MYO1D: variants seen among roughly 807,000 people sequenced by gnomAD.
MYO1D encodes the protein unconventional myosin-Id.
A neutral mutation model predicts 122.0 loss-of-function variants in MYO1D; 83 were observed. The ratio of observed to expected loss-of-function variants is 0.68; its 90% confidence interval spans 0.57 to 0.82. The LOEUF (loss-of-function observed/expected upper bound fraction) is 0.82, where lower values mean the gene tolerates loss of function less well. Ranked by LOEUF, MYO1D falls within the 40% of genes least tolerant of loss-of-function variation. The pLI is 0.00. For synonymous variants in MYO1D, 464 were observed against 446.9 expected (o/e 1.04, Z -0.48); for missense variants, 1,157 against 1,269.5 (o/e 0.91, Z 1.35).
intron 1 of MYO1D, among the ~76,000 whole-genome samples, chr17:32,801,239 AT>A (rs777754684): frequency 6.6e-6 from 1 of 152,250 alleles, no homozygotes; most frequent in Non-Finnish European, 1.5e-5. Context: ...ATAATGTGTG[AT>A]TGAATAACTA....
rs189073992 is a variant in MYO1D at position 32,810,277 on chromosome 17, G to A, written c.96-29493C>T. ...AGTAGGTGGCAAGAGAAACAGAAGC[G>A]CAGATACAAAGAGTTCTAAGGGTGA... On this transcript the variant is annotated intron_variant, in intron 1 of 21. Transcript: ENST00000318217. Among the ~76,000 whole-genome samples the A allele has an allele frequency of 2.8e-3, 427 of 152,218 alleles. 4 individuals carry two copies. The highest frequency in any genetic ancestry group is 8.7e-3 in the African/African-American group (362 of 41,536).
At chr17:32,683,719 C>A (rs1447898300) in intron 16 of MYO1D, among the ~76,000 whole-genome samples, 3 of 152,054 alleles carry the variant, frequency 2.0e-5, no homozygotes, top group Non-Finnish European at 2.9e-5. Flanking sequence ...CTGTGCCCTG[C>A]CCCCAGAGGT....
intron 1 of MYO1D, among the ~76,000 whole-genome samples, chr17:32,840,210 C>A (rs8075627): frequency 0.053 from 8,040 of 152,244 alleles, 655 homozygotes; most frequent in African/African-American, 0.18. Context: ...GTGTTACTGG[C>A]GCACACTGGA....
At chr17:32,741,600 T>A (rs186177348) in intron 13 of MYO1D, among the ~76,000 whole-genome samples, 96 of 152,312 alleles carry the variant, frequency 6.3e-4, no homozygotes, top group African/African-American at 2.3e-3. Context: ...AACTAAGTAT[T>A]CTGGATTCCA....
At position 32,654,500 on chromosome 17, in the gene MYO1D, A is replaced by C; in HGVS notation, c.2467T>G (p.Trp823Gly). 3 of 1,613,594 alleles carry C rather than the reference A, an allele frequency of 1.9e-6. No individual in the cohort carries two copies. The highest frequency in any genetic ancestry group is 2.5e-6 in the Non-Finnish European group (3 of 1,179,780). The change falls in exon 18 of 22, where the codon TGG becomes GGG. Residue 823 changes from tryptophan (W) to glycine (G), a missense_variant. Transcript: ENST00000318217. The stretch of plus-strand genomic sequence containing the variant: ...ACTGAAGCAAGATAGTTGCCCTCCC[A>C]GGCCCTCTGGAGCCCGAGGTCAGCC... ...QRADLGLQRA[W>G]EGNYLASKPD...
intron 21 of MYO1D, among the ~76,000 whole-genome samples, chr17:32,542,610 C>T (rs188146200): frequency 1.3e-3 from 157 of 121,680 alleles, no homozygotes; most frequent in Middle Eastern, 8.6e-3. Flanking sequence ...TAGGAGGTAA[C>T]GCTAAAAAAA....
chr17:32,581,979 G>A (rs561931699), intron 21 of MYO1D, among the ~76,000 whole-genome samples: 2 of 152,160 alleles, frequency 1.3e-5, no homozygotes, highest in Admixed American at 6.5e-5. Flanking sequence ...TGGCCAGGCT[G>A]GTCTTGAACT....
intron 1 of MYO1D, among the ~76,000 whole-genome samples, chr17:32,855,408 T>C (rs1401961611): frequency 6.6e-6 from 1 of 152,218 alleles, no homozygotes; most frequent in African/African-American, 2.4e-5. Context: ...TTGAATTCTA[T>C]ATAAATGAAA....
At chr17:32,754,672 GC>G (rs1315096433) in intron 11 of MYO1D, among the ~76,000 whole-genome samples, 2 of 152,138 alleles carry the variant, frequency 1.3e-5, no homozygotes, top group African/African-American at 4.8e-5. Context: ...AGAAATGTTT[GC>G]CCCCTTTTTC....
chr17:32,505,554 G>GAGA (rs1305236294), intron 21 of MYO1D: 2 of 144,234 alleles, frequency 1.4e-5, no homozygotes, highest in Admixed American at 1.3e-4. Context: ...GGCCCTGCAT[G>GAGA]TGGCAGGGCC....
intron 12 of MYO1D, 140 bp from the exon 13 acceptor site, chr17:32,745,425 G>A: frequency 1.7e-6 from 1 of 589,958 alleles, no homozygotes. Context: ...ATCTTGTTCT[G>A]TATTAAAGGA....
intron 21 of MYO1D, among the ~76,000 whole-genome samples, chr17:32,503,178 G>T (rs1175349003): frequency 6.6e-6 from 1 of 152,208 alleles, no homozygotes; most frequent in East Asian, 1.9e-4. Flanking sequence ...CGCAGGCCCT[G>T]CACAAAGTGG....
At chr17:32,859,955 C>T (rs1187494554) in intron 1 of MYO1D, among the ~76,000 whole-genome samples, 2 of 152,170 alleles carry the variant, frequency 1.3e-5, no homozygotes, top group Non-Finnish European at 2.9e-5. Context: ...CCTGACTATT[C>T]CATCATGATA....
At chr17:32,618,779 C>T (rs750873167) in intron 20 of MYO1D, among the ~76,000 whole-genome samples, 3 of 151,854 alleles carry the variant, frequency 2.0e-5, no homozygotes, top group African/African-American at 4.8e-5. Flanking sequence ...GGATTACAGG[C>T]GACTGCCACC....
chr17:32,529,832 C>T (rs932705503), intron 21 of MYO1D: 2 of 152,210 alleles, frequency 1.3e-5, no homozygotes, highest in Admixed American at 6.5e-5. Context: ...CGCTCCTCAC[C>T]GTGGGGGAGG....
At chr17:32,822,834 G>A (rs2151059481) in intron 1 of MYO1D, among the ~76,000 whole-genome samples, 1 of 151,580 alleles carries the variant, frequency 6.6e-6, no homozygotes, top group South Asian at 2.1e-4. Context: ...TCGACCGGCT[G>A]CCGCCCGCGG....
intron 21 of MYO1D, chr17:32,530,003 A>G (rs1216901999): frequency 6.6e-6 from 1 of 152,218 alleles, no homozygotes; most frequent in East Asian, 1.9e-4. Context: ...CCTATTCAGC[A>G]TTCACAAGGT....
intron 16 of MYO1D, among the ~76,000 whole-genome samples, chr17:32,661,315 A>G (rs1247596867): frequency 1.3e-5 from 2 of 152,128 alleles, no homozygotes; most frequent in East Asian, 3.9e-4. Context: ...GTCTCAATCA[A>G]CACAAACTAT....
intron 1 of MYO1D, among the ~76,000 whole-genome samples, chr17:32,824,970 T>C (rs1416897264): frequency 6.6e-6 from 1 of 152,222 alleles, no homozygotes; most frequent in Non-Finnish European, 1.5e-5. Flanking sequence ...GGAAATTTCA[T>C]GTTTTACTTC....
Sources: gnomAD v4.1 joint callset for allele counts (sites outside exome capture counted in the v4.1 genomes callset) on GRCh38, gnomAD v4.1.1 for gene constraint, MANE v1.5 for transcripts, NCBI Gene and HGNC (gene_info 2026-07-23, HGNC 2026-07-21) for gene names.